Variants in SH3KBP1 observed in about 807,000 individuals in gnomAD.
SH3KBP1 encodes the protein SH3 domain containing kinase binding protein 1, also known as SH3 domain-containing kinase-binding protein 1.
A neutral mutation model predicts 50.1 loss-of-function variants in SH3KBP1; 8 were observed. That is an observed-to-expected ratio of 0.16 (90% CI 0.09 to 0.29). The LOEUF is 0.29. SH3KBP1 is among the 10% of genes least tolerant of loss of function. The pLI is 1.00. For synonymous variants in SH3KBP1, 227 were observed against 218.6 expected (o/e 1.04, Z -0.34); for missense variants, 377 against 535.2 (o/e 0.70, Z 2.92).
chrX:19,544,262 G>C lies in SH3KBP1; in HGVS notation c.1623+1660C>G, dbSNP rs770843161. On this transcript the variant is annotated intron_variant, in intron 15 of 17. Coordinates refer to ENST00000397821, the MANE Select transcript of SH3KBP1 (RefSeq NM_031892.3). ...CCAGCCTGTGCTTTATCATTAGTAG[G>C]AGTCAGAGTAAGAGGGAAGAGGAAC... Among the ~76,000 whole-genome samples the C allele has an allele frequency of 6.1e-4, 68 of 111,227 alleles. 1 individual carries two copies. Among genetic ancestry groups the C allele is most frequent in the African/African-American group, 2.1e-3 (65 of 30,620 alleles).
intron 8 of SH3KBP1, among the ~76,000 whole-genome samples, chrX:19,616,568 G>T (rs1010410760): frequency 2.7e-5 from 3 of 111,404 alleles, no homozygotes; most frequent in Non-Finnish European, 5.7e-5. Flanking sequence ...CTTCTTCACA[G>T]ATCTAGTCAT....
intron 8 of SH3KBP1, among the ~76,000 whole-genome samples, chrX:19,621,367 G>A (rs1267492240): frequency 1.7e-4 from 18 of 108,937 alleles, no homozygotes; most frequent in Non-Finnish European, 3.4e-4. Context: ...GGGATTACAG[G>A]CGTGAGCCAC....
intron 9 of SH3KBP1, among the ~76,000 whole-genome samples, chrX:19,600,827 C>G (rs765716046): frequency 9.0e-6 from 1 of 111,049 alleles, no homozygotes; most frequent in Non-Finnish European, 1.9e-5. Context: ...GTGGCTTCAG[C>G]CTGCTCAATT....
chrX:19,763,946 G>T (rs2065509565), intron 2 of SH3KBP1, among the ~76,000 whole-genome samples: 1 of 104,773 alleles, frequency 9.5e-6, no homozygotes, highest in Non-Finnish European at 2.0e-5. Flanking sequence ...AGCCCAGGAG[G>T]TGGAGGTTGC....
chrX:19,876,400 G>A (rs1298012739), intron 1 of SH3KBP1, among the ~76,000 whole-genome samples: 1 of 111,339 alleles, frequency 9.0e-6, no homozygotes, highest in Non-Finnish European at 1.9e-5. Context: ...ACCTAGATGG[G>A]TTAAGATCCA....
intron 2 of SH3KBP1, among the ~76,000 whole-genome samples, chrX:19,774,342 G>T (rs2065893221): frequency 9.0e-6 from 1 of 111,002 alleles, no homozygotes; most frequent in South Asian, 3.7e-4. Context: ...AGATCCTTTG[G>T]TTAATCTTCA....
At chrX:19,721,670 T>C (rs1199032887) in intron 3 of SH3KBP1, among the ~76,000 whole-genome samples, 2 of 111,339 alleles carry the variant, frequency 1.8e-5, no homozygotes, top group African/African-American at 6.5e-5. Flanking sequence ...GGAAATTTTT[T>C]AAATAAAAAG....
intron 2 of SH3KBP1, among the ~76,000 whole-genome samples, chrX:19,771,033 AG>A (rs1160526870): frequency 8.9e-6 from 1 of 111,806 alleles, no homozygotes; most frequent in Middle Eastern, 4.6e-3. Flanking sequence ...TGAATTTTTA[AG>A]GTTTATTTTA....
intron 12 of SH3KBP1, among the ~76,000 whole-genome samples, chrX:19,577,844 T>C (rs1415842506): frequency 2.7e-5 from 3 of 110,825 alleles, no homozygotes; most frequent in Non-Finnish European, 5.7e-5. Flanking sequence ...TCCAAGTCCA[T>C]ATGGTGACTC....
At chrX:19,548,088 A>T (rs1234790639) in intron 14 of SH3KBP1, among the ~76,000 whole-genome samples, 1 of 112,630 alleles carries the variant, frequency 8.9e-6, no homozygotes, top group Non-Finnish European at 1.9e-5. Context: ...TATCTTTGGT[A>T]CCTGGCACAG....
chrX:19,588,346 C>T, intron 12 of SH3KBP1: 1 of 1,071,166 alleles, frequency 9.3e-7, no homozygotes, highest in Non-Finnish European at 1.2e-6. Flanking sequence ...GTTGGCCTTG[C>T]TTCTAATAAG....
chrX:19,852,249 G>A (rs932403300), intron 1 of SH3KBP1, among the ~76,000 whole-genome samples: 2 of 111,047 alleles, frequency 1.8e-5, no homozygotes, highest in African/African-American at 3.3e-5. Flanking sequence ...CCTTCAGATC[G>A]TTCCAGCCCC....
At chrX:19,853,728 C>T (rs1279132444) in intron 1 of SH3KBP1, among the ~76,000 whole-genome samples, 1 of 110,939 alleles carries the variant, frequency 9.0e-6, no homozygotes, top group Non-Finnish European at 1.9e-5. Flanking sequence ...TTTGGGAGGC[C>T]AAGGCGGGCA....
Position 19,581,448 on chromosome X carries a change from G to A in SH3KBP1, c.1298+7195C>T, listed in dbSNP as rs776377516. On this transcript the variant is annotated intron_variant, in intron 12 of 17. Coordinates refer to ENST00000397821, the MANE Select transcript of SH3KBP1 (RefSeq NM_031892.3). ...GTATTCAGTTTACCTGCTGACTTAG[G>A]GAACATTGCACACACTCACTAGCTT... is the stretch of plus-strand genomic sequence containing the variant. 3.6e-5 allele frequency among the ~76,000 whole-genome samples: 4 copies of A among 112,067 alleles called. No homozygotes were observed. The South Asian group carries it at 1.5e-3, about 41-fold the overall frequency.
chrX:19,588,734 G>T lies in SH3KBP1; in HGVS notation c.1207C>A (p.Pro403Thr). ...AGAGAATTGGTCTTAGGTGGCCGAGGCTTTTTTGGCGGTATGGCAGGAACG... is the reference window on the plus strand; with the variant it reads ...AGAGAATTGGTCTTAGGTGGCCGAGTCTTTTTTGGCGGTATGGCAGGAACG... ...PSVPAIPPKK[P>T]RPPKTNSLSR... Residue 403 changes from proline to threonine, a missense_variant, in exon 12 of 18, where the codon CCT becomes ACT. Around this residue, in one of 3 missense-constraint regions of SH3KBP1, gnomAD observed 257 missense variants for 374.2 expected, o/e 0.69. Transcript: ENST00000397821. 1 of 1,201,798 alleles carries T rather than the reference G, an allele frequency of 8.3e-7. No individual in the cohort carries two copies. The highest frequency in any genetic ancestry group is 1.1e-6 in the Non-Finnish European group (1 of 890,130).
chrX:19,695,081 T>C (rs751964201), intron 5 of SH3KBP1: 1 of 1,154,159 alleles, frequency 8.7e-7, no homozygotes. Context: ...AAGTTCGTTG[T>C]CACCATCGTA....
chrX:19,584,161 TTATA>T (rs1162004760), intron 12 of SH3KBP1, among the ~76,000 whole-genome samples: 1 of 93,801 alleles, frequency 1.1e-5, no homozygotes, highest in African/African-American at 3.9e-5. Context: ...TATAATATAT[TTATA>T]TATATTTATA....
At chrX:19,633,062 T>G (rs185865493) in intron 7 of SH3KBP1, among the ~76,000 whole-genome samples, 6 of 111,927 alleles carry the variant, frequency 5.4e-5, no homozygotes, top group Non-Finnish European at 9.4e-5. Flanking sequence ...TTTATTTATT[T>G]TGGTTAACAT....
intron 3 of SH3KBP1, among the ~76,000 whole-genome samples, chrX:19,730,436 T>A (rs2064343685): frequency 8.9e-6 from 1 of 111,736 alleles, no homozygotes; most frequent in African/African-American, 3.3e-5. Context: ...ATCTGGGAAT[T>A]TTTATTTTCC....
Sources: allele counts gnomAD v4.1 joint callset (sites outside exome capture counted in the v4.1 genomes callset), GRCh38; gene constraint gnomAD v4.1.1; regional missense constraint gnomAD v4.1.1; transcripts MANE v1.5; gene names NCBI Gene and HGNC (gene_info 2026-07-23, HGNC 2026-07-21).